MYO10: variants seen among roughly 807,000 people sequenced by gnomAD.
MYO10 encodes unconventional myosin-X.
Under a neutral mutation model 257.3 loss-of-function variants are expected in MYO10, and 133 were observed. The observed-to-expected ratio is 0.52, with a 90% CI of 0.45 to 0.60. The LOEUF (loss-of-function observed/expected upper bound fraction) is 0.60. Ranked by LOEUF, MYO10 falls within the 20% of genes least tolerant of loss-of-function variation. The pLI is 0.00. For missense variants in MYO10, 2,399 were observed against 2,635.7 expected, an observed-to-expected ratio of 0.91 and a Z score of 1.97; for synonymous variants, 1,104 against 1,028.6, an observed-to-expected ratio of 1.07 and a Z score of -1.40.
At chr5:16,774,523 G>T (rs866671469) in intron 9 of MYO10, among the ~76,000 whole-genome samples, 1 of 151,900 alleles carries the variant, frequency 6.6e-6, no homozygotes, top group Admixed American at 6.6e-5. Flanking sequence ...CTGGGTTCAC[G>T]CCATTCTCCT....
intron 1 of MYO10, among the ~76,000 whole-genome samples, chr5:16,912,967 C>T (rs939662395): frequency 3.6e-5 from 5 of 138,882 alleles, no homozygotes; most frequent in Non-Finnish European, 6.1e-5. Flanking sequence ...AACACCAGAA[C>T]GCAAGGATAT....
chr5:16,671,545 A>C lies in MYO10; in HGVS notation c.5310-3T>G. 6.2e-7 allele frequency: 1 copy of C among 1,613,932 alleles called. No individual in the cohort carries two copies. Among genetic ancestry groups the C allele is most frequent in the Non-Finnish European group, 8.5e-7 (1 of 1,179,842 alleles). On this transcript the variant is annotated splice_region_variant and splice_polypyrimidine_tract_variant and intron_variant, in intron 37 of 40. Coordinates refer to ENST00000513610, the MANE Select transcript of MYO10 (RefSeq NM_012334.3). Reference sequence around the variant, plus strand: ...CAACCTCGGATGTGGCAGCCAGCCTACAGAGAGGAGTCAAGAGAGGCTCAG... The same window carrying C: ...CAACCTCGGATGTGGCAGCCAGCCTCCAGAGAGGAGTCAAGAGAGGCTCAG...
intron 21 of MYO10, 29 bp from the exon 22 acceptor site, chr5:16,704,714 G>A: frequency 7.0e-6 from 11 of 1,569,664 alleles, no homozygotes; most frequent in Non-Finnish European, 9.6e-6. Flanking sequence ...CATGTCAGAA[G>A]CAAAGAACAT....
In MYO10 at chr5:16,685,216, C is replaced by T. The variant is rs569943133; in HGVS notation, c.3990+522G>A. Among the ~76,000 whole-genome samples the T allele has an allele frequency of 4.6e-5, 7 of 152,044 alleles. No individual in the cohort carries two copies. The South Asian group carries it at 8.3e-4, about 18-fold the overall frequency. Reference sequence around the variant, plus strand: ...TACTTACAACCTTCTGTAATTTATTCGTTTTTGTTGTTTGTTTTTTTAGGA... The same window carrying T: ...TACTTACAACCTTCTGTAATTTATTTGTTTTTGTTGTTTGTTTTTTTAGGA... On this transcript the variant is annotated intron_variant, in intron 29 of 40. Transcript: ENST00000513610.
chr5:16,896,022 T>A (rs995860859), intron 1 of MYO10, among the ~76,000 whole-genome samples: 1 of 152,160 alleles, frequency 6.6e-6, no homozygotes, highest in Admixed American at 6.5e-5. Flanking sequence ...CCTCTCCGCC[T>A]CAACACTCCT....
At chr5:16,931,128 G>A (rs865975539) in intron 1 of MYO10, among the ~76,000 whole-genome samples, 1 of 152,040 alleles carries the variant, frequency 6.6e-6, no homozygotes, top group Non-Finnish European at 1.5e-5. Flanking sequence ...AAAATTAGCT[G>A]GGTGTGGTGG....
intron 9 of MYO10, among the ~76,000 whole-genome samples, chr5:16,777,306 A>C (rs976683443): frequency 5.9e-5 from 9 of 152,196 alleles, no homozygotes; most frequent in African/African-American, 2.2e-4. Context: ...AGGTTGTGAC[A>C]TCTTTAAAAG....
rs570375620 is a variant in MYO10, at chr5:16,899,973, G to A, written c.22-22266C>T. Among the ~76,000 whole-genome samples the A allele has an allele frequency of 1.9e-3, 257 of 134,620 alleles. 2 individuals are homozygous for A. The highest frequency in any genetic ancestry group is 6.8e-3 in the African/African-American group (241 of 35,680). 88.3% of individuals were successfully genotyped at this position (134,620 alleles called of 152,430 possible). A position where few individuals can be genotyped will look rare whatever the true frequency, so the allele number is the denominator to read the frequency against. ...AGATCGCAGCACTGCGCTCCAGCCTGGGCAACACAGCAAGATGCTGTCTCA... is the reference window on the plus strand; with the variant it reads ...AGATCGCAGCACTGCGCTCCAGCCTAGGCAACACAGCAAGATGCTGTCTCA... On this transcript the variant is annotated intron_variant, in intron 1 of 40. Coordinates refer to ENST00000513610, the MANE Select transcript of MYO10 (RefSeq NM_012334.3).
chr5:16,884,011 GTT>G (rs1279049109), intron 1 of MYO10, among the ~76,000 whole-genome samples: 1 of 152,200 alleles, frequency 6.6e-6, no homozygotes, highest in Non-Finnish European at 1.5e-5. Flanking sequence ...TCTCGCCTAT[GTT>G]AAGTACCTCA....
At chr5:16,803,167 C>T (rs564418150) in intron 3 of MYO10, among the ~76,000 whole-genome samples, 3 of 151,832 alleles carry the variant, frequency 2.0e-5, no homozygotes, top group South Asian at 2.1e-4. Context: ...GGCTCATGCC[C>T]GTAATCCCAG....
intron 2 of MYO10, among the ~76,000 whole-genome samples, chr5:16,820,900 T>C (rs1742779159): frequency 6.7e-6 from 1 of 148,612 alleles, no homozygotes; most frequent in South Asian, 2.1e-4. Flanking sequence ...GTAATACATA[T>C]ATCTTATATG....
chr5:16,701,117 T>A lies in MYO10; in HGVS notation c.3278A>T (p.Gln1093Leu). The A allele has an allele frequency of 6.3e-7, 1 of 1,594,288 alleles. No homozygotes were observed. The highest frequency in any genetic ancestry group is 1.8e-5 in the Admixed American group (1 of 56,562). Residue 1093 changes from glutamine (Q) to leucine (L), a missense_variant, in exon 25 of 41, where the codon CAG (glutamine) becomes CTG (leucine). Physicochemically the swap from Gln to Leu is moderately radical, Grantham distance 113 (BLOSUM62 -2). This residue lies in a region of MYO10 where 1,820 missense variants were observed against 1,939.4 expected (regional missense o/e 0.94). Transcript: ENST00000513610. This position sits in a 1 kb window ranked among gnomAD's most constrained non-coding sequence, Gnocchi z 8.1. ...GATGGCACCGTCCTCATAGTCATCC[T>A]GGTCGTAGTCGTAGTCGCCGTCTGG... ...PSPDGDYDYD[Q>L]DDYEDGAITS...
intron 29 of MYO10, among the ~76,000 whole-genome samples, chr5:16,685,526 T>C (rs1228359616): frequency 6.6e-6 from 1 of 152,182 alleles, no homozygotes; most frequent in Non-Finnish European, 1.5e-5. Flanking sequence ...TTACTGTATT[T>C]ATTATTGTAT....
chr5:16,672,610 A>G, intron 37 of MYO10, 79 bp downstream of exon 37: 1 of 1,540,972 alleles, frequency 6.5e-7, no homozygotes, highest in Non-Finnish European at 8.9e-7. Flanking sequence ...CACAAATGGA[A>G]TGGGAAGCTC....
intron 2 of MYO10, among the ~76,000 whole-genome samples, chr5:16,856,525 G>A (rs1212900423): frequency 6.6e-6 from 1 of 152,030 alleles, no homozygotes; most frequent in African/African-American, 2.4e-5. Flanking sequence ...ACTCCAGCCT[G>A]GGTGACAGAG....
At chr5:16,916,405 TAAAAA>T (rs71596001) in intron 1 of MYO10, 7 of 104,286 alleles carry the variant, frequency 6.7e-5, no homozygotes, top group African/African-American at 1.1e-4. Flanking sequence ...AGCCATGAAG[TAAAAA>T]AAAAAAAAAA....
chr5:16,800,592 C>T (rs1742092642), intron 3 of MYO10, among the ~76,000 whole-genome samples: 1 of 152,156 alleles, frequency 6.6e-6, no homozygotes, highest in Non-Finnish European at 1.5e-5. Flanking sequence ...GCTCTCCGCC[C>T]ATAAAAGCGA....
At chr5:16,840,448 A>AATGAATGAATGAAT (rs771759083) in intron 2 of MYO10, among the ~76,000 whole-genome samples, 6 of 110,300 alleles carry the variant, frequency 5.4e-5, no homozygotes, top group African/African-American at 1.8e-4. Flanking sequence ...AATGAATGAA[A>AATGAATGAATGAAT]GAAAGAAACA....
intron 1 of MYO10, among the ~76,000 whole-genome samples, chr5:16,927,752 A>T (rs1164242703): frequency 1.3e-5 from 2 of 152,146 alleles, no homozygotes; most frequent in African/African-American, 4.8e-5. Context: ...CCCTTGTTCT[A>T]GCTGTATTTC....
Sources: allele counts gnomAD v4.1 joint callset (sites outside exome capture counted in the v4.1 genomes callset), GRCh38; gene constraint gnomAD v4.1.1; regional missense constraint gnomAD v4.1.1; non-coding constraint Gnocchi (gnomAD v3.1); transcripts MANE v1.5; gene names NCBI Gene and HGNC (gene_info 2026-07-23, HGNC 2026-07-21).